CLSPN: variants seen among roughly 807,000 people sequenced by gnomAD.
CLSPN encodes claspin.
CLSPN carries 85 observed loss-of-function variants against 156.3 expected under a neutral mutation model. The observed-to-expected ratio is 0.54, with a 90% CI of 0.46 to 0.65. The LOEUF (loss-of-function observed/expected upper bound fraction) is 0.65, where lower values mean the gene tolerates loss of function less well. CLSPN is among the 30% of genes least tolerant of loss of function. CLSPN has a pLI of 0.00. For synonymous variants in CLSPN, 534 were observed against 542.4 expected (o/e 0.98, Z 0.22); for missense variants, 1,407 against 1,554.9 (o/e 0.90, Z 1.60).
chr1:35,729,321 G>A (rs548117006), downstream of CLSPN, among the ~76,000 whole-genome samples: 11 of 152,154 alleles, frequency 7.2e-5, no homozygotes, highest in South Asian at 2.1e-4. Context: ...AGAATTCCGC[G>A]GACTACGGTT....
downstream of CLSPN, among the ~76,000 whole-genome samples, chr1:35,728,077 C>CTTT (rs59275877): frequency 2.0e-4 from 21 of 103,982 alleles, no homozygotes; most frequent in Non-Finnish European, 2.4e-4. Flanking sequence ...AAACCACAAG[C>CTTT]TTTTTTTTTT....
At position 35,748,001 on chromosome 1, in the gene CLSPN, C is replaced by T. The variant is rs561888056; in HGVS notation, c.2533G>A (p.Ala845Thr). The change falls in exon 14 of 25, where the codon GCC (alanine) becomes ACC (threonine). Residue 845 changes from alanine to threonine, a missense_variant. Physicochemically the swap from Ala to Thr is moderately conservative, Grantham distance 58 (BLOSUM62 0). Transcript: ENST00000318121. ...AAAAGTGTCTTAGGCTCTGGGGAGG[C>T]GTTATACAGATCCTGGGAATCCTCT... ...PIEDSQDLYN[A>T]SPEPKTLFLG... 86 of 1,614,040 alleles carry T rather than the reference C, an allele frequency of 5.3e-5. No homozygotes were observed. The highest frequency in any genetic ancestry group is 8.0e-5 in the African/African-American group (6 of 75,026).
chr1:35,762,566 C>T, intron 4 of CLSPN, 85 bp from the exon 5 acceptor site: 1 of 896,282 alleles, frequency 1.1e-6, no homozygotes, highest in Middle Eastern at 2.2e-4. Flanking sequence ...TGTAGTCCAA[C>T]ACCACATCAT....
chr1:35,724,211 T>C (rs1641131042), intron 24 of CLSPN, among the ~76,000 whole-genome samples: 1 of 152,094 alleles, frequency 6.6e-6, no homozygotes, highest in African/African-American at 2.4e-5. Flanking sequence ...CATTCTGGGA[T>C]TACAGGCATG....
chr1:35,723,146 T>G (rs997456384), intron 24 of CLSPN, among the ~76,000 whole-genome samples: 1 of 152,174 alleles, frequency 6.6e-6, no homozygotes, highest in South Asian at 2.1e-4. Flanking sequence ...GCCAGAGGCT[T>G]TTCCAGTGAG....
intron 23 of CLSPN, 101 bp from the exon 24 acceptor site, chr1:35,737,176 G>T: frequency 7.8e-7 from 1 of 1,280,566 alleles, no homozygotes; most frequent in Non-Finnish European, 1.1e-6. Flanking sequence ...GGGTACATAT[G>T]CCTACCCTAT....
rs1381068825 is a variant in CLSPN, at chr1:35,763,338, C to A, written c.583-17G>T. ...ATCATCTTCCTAAGTAATACATAAA[C>A]AAAAAGCATAATCCAATCATTTAAA... On this transcript the variant is annotated splice_polypyrimidine_tract_variant and intron_variant, in intron 3 of 24. Transcript: ENST00000318121. 6.5e-7 allele frequency: 1 copy of A among 1,545,708 alleles called. No homozygotes were observed. Among genetic ancestry groups the A allele is most frequent in the Non-Finnish European group, 8.7e-7 (1 of 1,153,292 alleles).
At chr1:35,741,329 G>A (rs1027360911) in intron 18 of CLSPN, among the ~76,000 whole-genome samples, 6 of 151,762 alleles carry the variant, frequency 4.0e-5, no homozygotes, top group African/African-American at 1.5e-4. Context: ...TTTTTTGCGG[G>A]GGTCGGGGAG....
In CLSPN at chr1:35,763,276, CAAG is replaced by C. The variant is rs757369908; in HGVS notation, c.625_627del (p.Leu209del). On this transcript the variant is annotated inframe_deletion, in exon 4 of 25. Coordinates refer to ENST00000318121, the MANE Select transcript of CLSPN (RefSeq NM_022111.4). The stretch of plus-strand genomic sequence containing the variant: ...CCAGTTTCAAAAAGGTCTTTATCCA[CAAG>C]AAGACAGCCACTGTCATTAAATGGC... 15 of 1,605,136 alleles carry C rather than the reference CAAG, an allele frequency of 9.3e-6. No homozygotes were observed. The African/African-American group carries it at 1.1e-4, about 12-fold the overall frequency.
intron 10 of CLSPN, 55 bp downstream of exon 10, chr1:35,751,194 CT>C: frequency 6.4e-7 from 1 of 1,560,792 alleles, no homozygotes; most frequent in Non-Finnish European, 8.6e-7. Flanking sequence ...TCAAGTCTGA[CT>C]TTTTCTCTCA....
Position 35,734,617 on chromosome 1 carries a change from G to T in CLSPN, c.*1879C>A. The T allele has an allele frequency of 2.3e-6, 1 of 440,146 alleles. No individual in the cohort carries two copies. The highest frequency in any genetic ancestry group is 3.0e-6 in the Non-Finnish European group (1 of 336,518). 27.3% of individuals were successfully genotyped at this position (440,146 alleles called of 1,614,324 possible). A position where few individuals can be genotyped will look rare whatever the true frequency, so the allele number is the denominator to read the frequency against. On this transcript the variant is annotated 3_prime_UTR_variant, in exon 25 of 25. Transcript: ENST00000318121. ...TGCTTGAACCTAGGAGGCGGAGGTTGCAGTAAGCCGAGATCATGCCATTGT... is the reference window on the plus strand; with the variant it reads ...TGCTTGAACCTAGGAGGCGGAGGTTTCAGTAAGCCGAGATCATGCCATTGT...
At chr1:35,748,816 A>ATT in intron 12 of CLSPN, 2 of 486,684 alleles carry the variant, frequency 4.1e-6, no homozygotes, top group Non-Finnish European at 7.6e-6. Context: ...GACACTTGAA[A>ATT]GTTCTTTTTT....
chr1:35,762,525 A>C (rs758014298), intron 4 of CLSPN, 44 bp from the exon 5 acceptor site: 6 of 1,474,434 alleles, frequency 4.1e-6, no homozygotes, highest in Non-Finnish European at 5.7e-6. Flanking sequence ...CGAAATTCAA[A>C]TAAGAGGATG....
rs1374246831 is a variant in CLSPN at position 35,735,415 on chromosome 1, A to G, written c.*1081T>C. The G allele has an allele frequency of 1.0e-6, 1 of 985,268 alleles. No individual in the cohort carries two copies. The highest frequency in any genetic ancestry group is 1.7e-5 in the African/African-American group (1 of 57,238). The allele number at this position is 985,268 out of a possible 1,614,324, so 61.0% of individuals were successfully genotyped here. A position where few individuals can be genotyped will look rare whatever the true frequency, so the allele number is the denominator to read the frequency against. The stretch of plus-strand genomic sequence containing the variant: ...GGTTCCTAGGTCCTCCATCTAAGAA[A>G]TCGTTCTTTTGGCTGGGCACAGTGG... On this transcript the variant is annotated 3_prime_UTR_variant, in exon 25 of 25. Transcript: ENST00000318121.
chr1:35,730,492 C>T (rs1009648324), downstream of CLSPN, among the ~76,000 whole-genome samples: 5 of 143,776 alleles, frequency 3.5e-5, no homozygotes, highest in African/African-American at 1.3e-4. Flanking sequence ...ATTGATTGCC[C>T]GGGAGGCCGA....
intron 1 of CLSPN, among the ~76,000 whole-genome samples, chr1:35,768,577 TA>T (rs1642754881): frequency 7.0e-6 from 1 of 143,510 alleles, no homozygotes; most frequent in Non-Finnish European, 1.5e-5. Flanking sequence ...GACGCCCGGC[TA>T]ATTTTTTTTT....
chr1:35,747,424 A>G (rs1181534384), intron 14 of CLSPN, among the ~76,000 whole-genome samples: 3 of 152,232 alleles, frequency 2.0e-5, no homozygotes, highest in Admixed American at 2.0e-4. Context: ...ATCTCAAACC[A>G]GAAAGCAAAA....
rs1204247160 is a variant in CLSPN, at chr1:35,735,200, G to A, written c.*1296C>T. On this transcript the variant is annotated 3_prime_UTR_variant, in exon 25 of 25. Coordinates refer to ENST00000318121, the MANE Select transcript of CLSPN (RefSeq NM_022111.4). ...TCTCTCTGCCCCACAGACTGTGGTGGACAAACACTGGGTGTAACACTTTAT... is the reference window on the plus strand; with the variant it reads ...TCTCTCTGCCCCACAGACTGTGGTGAACAAACACTGGGTGTAACACTTTAT... The A allele has an allele frequency of 1.0e-6, 1 of 985,402 alleles. No homozygotes were observed. The highest frequency in any genetic ancestry group is 4.7e-5 in the South Asian group (1 of 21,290). 61.0% of individuals were successfully genotyped at this position (985,402 alleles called of 1,614,324 possible). A position where few individuals can be genotyped will look rare whatever the true frequency, so the allele number is the denominator to read the frequency against.
chr1:35,751,377 TCC>T lies in CLSPN; in HGVS notation c.1899_1900del (p.Glu634ArgfsTer7). The T allele has an allele frequency of 6.2e-7, 1 of 1,610,772 alleles. No individual in the cohort carries two copies. The highest frequency in any genetic ancestry group is 8.5e-7 in the Non-Finnish European group (1 of 1,178,122). On this transcript the variant is annotated frameshift_variant, in exon 10 of 25. Coordinates refer to ENST00000318121, the MANE Select transcript of CLSPN (RefSeq NM_022111.4). LOFTEE classifies it high-confidence loss of function. The stretch of plus-strand genomic sequence containing the variant: ...AGACTCATCTGTCATTTCTTCCTCT[TCC>T]TCCTCCTCTTCCTCAAACCCATCTT...
Sources: allele counts gnomAD v4.1 joint callset (sites outside exome capture counted in the v4.1 genomes callset), GRCh38; gene constraint gnomAD v4.1.1; transcripts MANE v1.5; gene names NCBI Gene and HGNC (gene_info 2026-07-23, HGNC 2026-07-21).